Variants in CDCP2 observed in about 807,000 individuals in gnomAD.
The protein encoded by CDCP2 is CUB domain containing protein 2.
In CDCP2, 31 loss-of-function variants were observed where a neutral mutation model predicts 31.0. The ratio of observed to expected loss-of-function variants is 1.00; its 90% CI spans 0.75 to 1.35. The LOEUF is 1.35. Among genes scored for constraint, CDCP2 ranks in the 40% most tolerant of loss-of-function variants. The pLI is 0.00. For synonymous variants in CDCP2, 206 were observed against 207.9 expected (o/e 0.99, Z 0.08); for missense variants, 443 against 482.6 (o/e 0.92, Z 0.77).
At chr1:54,137,692 T>TGTGTGTGTGTGTGTGCACGCGC (rs60839953) in intron 4 of CDCP2, 6 of 146,198 alleles carry the variant, frequency 4.1e-5, no homozygotes, top group East Asian at 2.1e-4. Flanking sequence ...TGCGTGTGTG[T>TGTGTGTGTGTGTGTGCACGCGC]GTGTGTGTGT....
At chr1:54,148,971 A>AT (rs201950247) in intron 1 of CDCP2, among the ~76,000 whole-genome samples, 1,715 of 143,972 alleles carry the variant, frequency 0.012, 29 homozygotes, top group African/African-American at 0.013. Context: ...TGTTTAAAAA[A>AT]AAAATATATA....
At chr1:54,152,935 G>T (rs1362714033), upstream of CDCP2, 1 of 1,613,666 alleles carries the variant, frequency 6.2e-7, no homozygotes, top group African/African-American at 1.3e-5. Context: ...CCTCACCAGG[G>T]GCCCCCACAG....
intron 1 of CDCP2, among the ~76,000 whole-genome samples, chr1:54,145,459 A>G (rs572417402): frequency 2.4e-4 from 37 of 152,200 alleles, no homozygotes; most frequent in East Asian, 1.7e-3. Flanking sequence ...AAAGAAATAC[A>G]TATATAGTAT....
chr1:54,139,815 A>AGAAGCT (rs752592778), exon 4 of CDCP2: 3 of 1,614,118 alleles, frequency 1.9e-6, no homozygotes, highest in Non-Finnish European at 2.5e-6. Flanking sequence ...CAGCAGAAGC[A>AGAAGCT]GAAGCTGGTT....
chr1:54,141,506 C>T (rs1044124369), intron 2 of CDCP2, 73 bp from the exon 3 acceptor site: 45 of 1,323,012 alleles, frequency 3.4e-5, no homozygotes, highest in Non-Finnish European at 4.0e-5. Flanking sequence ...GGGAACAAGA[C>T]ACTCCAACAT....
At chr1:54,135,116 T>A (rs1045121890) in intron 5 of CDCP2, among the ~76,000 whole-genome samples, 3 of 139,796 alleles carry the variant, frequency 2.1e-5, no homozygotes, top group African/African-American at 8.2e-5. Flanking sequence ...CTCCTGAGAG[T>A]GGAAGGGGAC....
At chr1:54,141,476 G>T in intron 2 of CDCP2, 43 bp from the exon 3 acceptor site, 1 of 1,529,838 alleles carries the variant, frequency 6.5e-7, no homozygotes, top group African/African-American at 1.4e-5. Context: ...TTCTCCTTGT[G>T]GCTCCCAGTT....
chr1:54,146,832 GC>G (rs1659480541), intron 1 of CDCP2, among the ~76,000 whole-genome samples: 1 of 151,666 alleles, frequency 6.6e-6, no homozygotes, highest in Admixed American at 6.6e-5. Context: ...AGTGGCTCAT[GC>G]CTGTAATCCC....
At chr1:54,136,799 A>C (rs1195118012) in exon 5 of CDCP2, 1 of 399,140 alleles carries the variant, frequency 2.5e-6, no homozygotes, top group Non-Finnish European at 4.4e-6. Flanking sequence ...GCTCACGTTC[A>C]TGGGCACCAC....
rs940024678 is a variant in CDCP2 at position 54,148,972 on chromosome 1, A to ATATATAT, written c.79+3871_79+3872insATATATA. On this transcript the variant is annotated intron_variant, in intron 1 of 5. Transcript: ENST00000530059. ...TTGAACAAATGAATTGTTTAAAAAA[A>ATATATAT]AAATATATATATATATAATATATAA... 7.6e-4 allele frequency among the ~76,000 whole-genome samples: 109 copies of ATATATAT among 143,524 alleles called. 1 individual carries two copies. Among genetic ancestry groups the ATATATAT allele is most frequent in the Non-Finnish European group, 5.0e-4 (33 of 66,246 alleles). The allele number at this position is 143,524 out of a possible 152,430, so 94.2% of individuals were successfully genotyped here. A position where few individuals can be genotyped will look rare whatever the true frequency, so the allele number is the denominator to read the frequency against.
At chr1:54,133,757 G>A (rs915577232) in intron 5 of CDCP2, among the ~76,000 whole-genome samples, 3 of 152,002 alleles carry the variant, frequency 2.0e-5, no homozygotes, top group Non-Finnish European at 2.9e-5. Context: ...TTAGCCGGGC[G>A]TGATGGTGTG....
intron 5 of CDCP2, among the ~76,000 whole-genome samples, chr1:54,135,030 G>C (rs1262386575): frequency 1.3e-5 from 2 of 152,140 alleles, no homozygotes; most frequent in African/African-American, 4.8e-5. Context: ...TGTCCCCAGA[G>C]GAGCTCCTGC....
chr1:54,148,403 C>A (rs1659512332), intron 1 of CDCP2, among the ~76,000 whole-genome samples: 1 of 43,460 alleles, frequency 2.3e-5, no homozygotes, highest in African/African-American at 6.9e-5. Flanking sequence ...GACTATTTGA[C>A]AGTGAAAAAA....
intron 1 of CDCP2, among the ~76,000 whole-genome samples, chr1:54,151,794 C>A (rs1328323346): frequency 6.6e-6 from 1 of 152,146 alleles, no homozygotes; most frequent in Non-Finnish European, 1.5e-5. Context: ...CTGGGGACCA[C>A]AGTGCAGGCA....
chr1:54,135,828 C>T (rs920541350), intron 5 of CDCP2, among the ~76,000 whole-genome samples: 3 of 151,712 alleles, frequency 2.0e-5, no homozygotes, highest in Admixed American at 6.6e-5. Context: ...TGTTGGGAGG[C>T]GGGGGAGGGT....
chr1:54,140,284 G>A, intron 3 of CDCP2, 178 bp from the exon 4 acceptor site: 1 of 616,764 alleles, frequency 1.6e-6, no homozygotes, highest in Non-Finnish European at 2.9e-6. Context: ...TGGGATGCTT[G>A]ATCCCAAAGC....
chr1:54,141,635 A>C, intron 2 of CDCP2: 3 of 540,270 alleles, frequency 5.6e-6, no homozygotes, highest in Non-Finnish European at 9.9e-6. Context: ...GCCTGTTCAA[A>C]TCCTCAGAGT....
rs1203375036 is a variant in CDCP2, at chr1:54,146,585, C to T, written c.80-1772G>A. 7.2e-5 allele frequency among the ~76,000 whole-genome samples: 11 copies of T among 151,944 alleles called. No homozygotes were observed. In the East Asian group the frequency reaches 2.1e-3, roughly 29 times the overall value. ...ATTTTTATGTTTTAAAAATTTATTT[C>T]CTAGTTCTGTTTACCAAGAAGGCCT... On this transcript the variant is annotated intron_variant, in intron 1 of 5. Coordinates refer to ENST00000530059, the Ensembl canonical transcript of CDCP2.
chr1:54,148,461 G>C (rs1004776501), intron 1 of CDCP2, among the ~76,000 whole-genome samples: 1 of 150,500 alleles, frequency 6.6e-6, no homozygotes, highest in Non-Finnish European at 1.5e-5. Context: ...AAATAGACCA[G>C]GCTAACAAAC....
Sources: gnomAD v4.1 joint callset for allele counts (sites outside exome capture counted in the v4.1 genomes callset) on GRCh38, gnomAD v4.1.1 for gene constraint, MANE v1.5 for transcripts, NCBI Gene and HGNC (gene_info 2026-07-23, HGNC 2026-07-21) for gene names.